Variants in CNTN5 observed in about 807,000 individuals in gnomAD.
CNTN5 encodes contactin 5.
In CNTN5, 77 loss-of-function variants were observed where a neutral mutation model predicts 129.1. The observed-to-expected ratio is 0.60, with a 90% CI of 0.50 to 0.72. CNTN5 has a LOEUF of 0.72. Ranked by LOEUF, CNTN5 falls within the 30% of genes least tolerant of loss-of-function variation. The pLI is 0.00. For synonymous variants in CNTN5, 509 were observed against 465.6 expected (o/e 1.09, Z -1.20); for missense variants, 1,478 against 1,328.8 (o/e 1.11, Z -1.75).
chr11:99,981,339 G>C (rs181333034), intron 8 of CNTN5, among the ~76,000 whole-genome samples: 1 of 151,974 alleles, frequency 6.6e-6, no homozygotes, highest in African/African-American at 2.4e-5. Context: ...CATGGAGTCC[G>C]AAGGCCAGGA....
At chr11:99,040,636 A>C (rs1170430683) in intron 1 of CNTN5, among the ~76,000 whole-genome samples, 2 of 152,160 alleles carry the variant, frequency 1.3e-5, no homozygotes, top group Admixed American at 6.5e-5. Context: ...TATTCAACTT[A>C]GGTTTATTTG....
Position 99,556,554 on chromosome 11 carries a change from AATATATATATATATATATAT to A in CNTN5, c.55+306_55+325del, listed in dbSNP as rs199758207. Among the ~76,000 whole-genome samples, 179 of 72,332 alleles carry A rather than the reference AATATATATATATATATATAT, an allele frequency of 2.5e-3. 5 individuals are homozygous for A. Among genetic ancestry groups the A allele is most frequent in the African/African-American group, 5.9e-3 (129 of 21,868 alleles). 47.5% of individuals were successfully genotyped at this position (72,332 alleles called of 152,430 possible). ...CCATCTAGCTTTCAGAAGGCTTGGA[AATATATATATATATATATAT>A]ATATATATATATATATATATCTCCC... On this transcript the variant is annotated intron_variant, in intron 3 of 24. Transcript: ENST00000524871.
intron 6 of CNTN5, among the ~76,000 whole-genome samples, chr11:99,904,469 A>G (rs1292808186): frequency 6.6e-6 from 1 of 151,800 alleles, no homozygotes; most frequent in East Asian, 1.9e-4. Context: ...AAGGACATGA[A>G]CTCATCCTTT....
chr11:100,291,811 TA>T (rs1403042238), intron 18 of CNTN5, among the ~76,000 whole-genome samples: 9 of 149,388 alleles, frequency 6.0e-5, no homozygotes, highest in Non-Finnish European at 5.9e-5. Flanking sequence ...AATAAAAAAT[TA>T]AAAAAAGGAA....
intron 9 of CNTN5, among the ~76,000 whole-genome samples, chr11:100,049,554 A>C (rs543480695): frequency 1.7e-3 from 258 of 152,270 alleles, no homozygotes; most frequent in Non-Finnish European, 2.6e-3. Context: ...AAACTAAACC[A>C]AAGAAAAACA....
chr11:99,590,948 A>C (rs1187894529), intron 3 of CNTN5, among the ~76,000 whole-genome samples: 1 of 151,668 alleles, frequency 6.6e-6, no homozygotes, highest in Non-Finnish European at 1.5e-5. Context: ...AATATCAAAC[A>C]AAGCATAAAC....
At chr11:99,565,798 C>T (rs1268307812) in intron 3 of CNTN5, among the ~76,000 whole-genome samples, 3 of 152,020 alleles carry the variant, frequency 2.0e-5, no homozygotes, top group Non-Finnish European at 4.4e-5. Flanking sequence ...ATTTGTATGC[C>T]TTTTCTTCTG....
At chr11:100,300,612 A>C (rs1270307841) in intron 20 of CNTN5, among the ~76,000 whole-genome samples, 1 of 151,590 alleles carries the variant, frequency 6.6e-6, no homozygotes, top group Non-Finnish European at 1.5e-5. Flanking sequence ...TGAATATTTA[A>C]AAACAAAGAT....
chr11:99,990,588 G>C (rs528185748), intron 8 of CNTN5, among the ~76,000 whole-genome samples: 2 of 151,670 alleles, frequency 1.3e-5, no homozygotes, highest in East Asian at 3.9e-4. Flanking sequence ...TTATTTGTTG[G>C]TAACATAAGC....
At chr11:100,201,123 C>T (rs1036095878) in intron 15 of CNTN5, among the ~76,000 whole-genome samples, 6 of 151,828 alleles carry the variant, frequency 4.0e-5, no homozygotes, top group South Asian at 2.1e-4. Context: ...AAAGTCAATC[C>T]GATTTATTTC....
At chr11:100,284,899 G>A (rs990366163) in intron 18 of CNTN5, among the ~76,000 whole-genome samples, 2 of 152,154 alleles carry the variant, frequency 1.3e-5, no homozygotes, top group Non-Finnish European at 1.5e-5. Context: ...CACCTATAAT[G>A]AAAGGTTGGA....
chr11:99,689,505 C>T lies in CNTN5; in HGVS notation c.56-130039C>T, dbSNP rs543611430. On this transcript the variant is annotated intron_variant, in intron 3 of 24. Transcript: ENST00000524871. ...TCGCGCCACTGCACTCTACCCTGGG[C>T]GACAGAGTGAGACTCCTCAAAAAAG... Among the ~76,000 whole-genome samples the T allele has an allele frequency of 2.5e-4, 28 of 112,710 alleles. No homozygotes were observed. The South Asian group carries it at 5.0e-3, about 20-fold the overall frequency. The allele number at this position is 112,710 out of a possible 152,430, so 73.9% of individuals were successfully genotyped here.
chr11:100,060,271 G>A (rs575986084), intron 9 of CNTN5, among the ~76,000 whole-genome samples: 1 of 151,284 alleles, frequency 6.6e-6, no homozygotes, highest in East Asian at 1.9e-4. Context: ...CTAAAAGGGG[G>A]CAGTTGATTA....
chr11:99,157,437 GC>G (rs1860389892), intron 1 of CNTN5, among the ~76,000 whole-genome samples: 1 of 151,918 alleles, frequency 6.6e-6, no homozygotes, highest in Admixed American at 6.6e-5. Flanking sequence ...GTAAATCACT[GC>G]ATTTAACTAT....
At chr11:99,368,870 CG>C (rs1341207961) in intron 2 of CNTN5, among the ~76,000 whole-genome samples, 2 of 151,692 alleles carry the variant, frequency 1.3e-5, no homozygotes, top group African/African-American at 4.8e-5. Context: ...TGTAACAAAA[CG>C]TAAGAGTTTC....
intron 1 of CNTN5, among the ~76,000 whole-genome samples, chr11:99,097,225 A>T (rs1300903916): frequency 6.6e-6 from 1 of 151,842 alleles, no homozygotes. Context: ...CAGTCCAACA[A>T]TTTTTTTAGT....
At position 99,777,227 on chromosome 11, in the gene CNTN5, C is replaced by A. The variant is rs192527113; in HGVS notation, c.56-42317C>A. On this transcript the variant is annotated intron_variant, in intron 3 of 24. Transcript: ENST00000524871. ...AGTGTTTACAGTAAGACAAAAATACCTTTTGAAGTTCACATGTATCTTTTA... is the reference window on the plus strand; with the variant it reads ...AGTGTTTACAGTAAGACAAAAATACATTTTGAAGTTCACATGTATCTTTTA... Among the ~76,000 whole-genome samples, 41 of 151,764 alleles carry A rather than the reference C, an allele frequency of 2.7e-4. 4 individuals are homozygous for A. In the East Asian group the frequency reaches 7.6e-3, roughly 28 times the overall value.
At chr11:99,316,744 A>C (rs1865356230) in intron 1 of CNTN5, among the ~76,000 whole-genome samples, 1 of 151,778 alleles carries the variant, frequency 6.6e-6, no homozygotes, top group Admixed American at 6.6e-5. Context: ...AAAAAAAAAA[A>C]GAAAAAGACC....
At chr11:99,894,293 G>C (rs1397173779) in intron 6 of CNTN5, among the ~76,000 whole-genome samples, 1 of 151,936 alleles carries the variant, frequency 6.6e-6, no homozygotes, top group African/African-American at 2.4e-5. Flanking sequence ...CAAGGTTTAA[G>C]TTCAATACTA....
Sources: allele counts gnomAD v4.1 joint callset (sites outside exome capture counted in the v4.1 genomes callset), GRCh38; gene constraint gnomAD v4.1.1; transcripts MANE v1.5; gene names NCBI Gene and HGNC (gene_info 2026-07-23, HGNC 2026-07-21).